Variants in OSBPL8 observed in about 807,000 individuals in gnomAD.
OSBPL8 encodes oxysterol-binding protein-related protein 8.
In OSBPL8, 59 loss-of-function variants were observed where a neutral mutation model predicts 125.5. The ratio of observed to expected loss-of-function variants is 0.47; its 90% CI spans 0.38 to 0.58. The LOEUF is 0.58. OSBPL8 is among the 20% of genes least tolerant of loss of function. The pLI is 0.00. For missense variants in OSBPL8, 758 were observed against 1,047.8 expected (o/e 0.72, Z 3.82); for synonymous variants, 330 against 338.9 (o/e 0.97, Z 0.29).
chr12:76,539,708 A>G (rs1016304994), intron 1 of OSBPL8, among the ~76,000 whole-genome samples: 1 of 152,244 alleles, frequency 6.6e-6, no homozygotes, highest in Non-Finnish European at 1.5e-5. Context: ...AAAGCCGAAG[A>G]GTGAAGAGCA....
intron 8 of OSBPL8, 47 bp from the exon 9 acceptor site, chr12:76,394,776 G>T: frequency 1.5e-6 from 2 of 1,348,118 alleles, no homozygotes; most frequent in South Asian, 2.5e-5. Context: ...TAATTATTAT[G>T]AGATCTCATC....
At chr12:76,461,973 C>A (rs1040268638) in intron 2 of OSBPL8, among the ~76,000 whole-genome samples, 1 of 152,148 alleles carries the variant, frequency 6.6e-6, no homozygotes, top group African/African-American at 2.4e-5. Flanking sequence ...ACAGAAACAA[C>A]TGTGGCAAAC....
chr12:76,391,767 A>C (rs1437509776), intron 10 of OSBPL8, among the ~76,000 whole-genome samples: 3 of 152,120 alleles, frequency 2.0e-5, no homozygotes, highest in Non-Finnish European at 2.9e-5. Flanking sequence ...TGGCTCTAAA[A>C]AATTTTTTAA....
Position 76,369,821 on chromosome 12 carries a change from G to A in OSBPL8, c.2056C>T (p.Leu686Phe), listed in dbSNP as rs148678277. ...ATGGCTCGAGTTACCCGTTGCCAGA[G>A]TCTAATACATGTGCGAAAATATTAA... ...EEQGDFESEK[L>F]WQRVTRAINA... The change falls in exon 20 of 24, where the codon CTC (leucine) becomes TTC (phenylalanine). Residue 686 changes from leucine to phenylalanine, a missense_variant and splice_region_variant. Physicochemically the swap from Leu to Phe is conservative, Grantham distance 22. Around this residue, in one of 3 missense-constraint regions of OSBPL8, gnomAD observed 572 missense variants for 762.0 expected, o/e 0.75. Transcript: ENST00000261183. The A allele has an allele frequency of 6.2e-7, 1 of 1,602,574 alleles. No homozygotes were observed. Among genetic ancestry groups the A allele is most frequent in the Non-Finnish European group, 8.5e-7 (1 of 1,175,316 alleles).
rs192130086 is a variant in OSBPL8, at chr12:76,495,417, T to C, written c.-67-7799A>G. ...AAGAGGTCTAGCAAATAAATTACTA[T>C]ACAAGAGCTATATAACACATTTGGA... On this transcript the variant is annotated intron_variant, in intron 1 of 23. Transcript: ENST00000261183. 1.2e-4 allele frequency among the ~76,000 whole-genome samples: 19 copies of C among 152,320 alleles called. No homozygotes were observed. The East Asian group carries it at 3.3e-3, about 26-fold the overall frequency.
chr12:76,492,532 C>T (rs535473202), intron 1 of OSBPL8, among the ~76,000 whole-genome samples: 23 of 152,240 alleles, frequency 1.5e-4, no homozygotes, highest in Admixed American at 7.8e-4. Flanking sequence ...GAAGCTTCAT[C>T]TGTATTTACA....
chr12:76,523,357 T>C (rs146186877), intron 1 of OSBPL8, among the ~76,000 whole-genome samples: 1,973 of 152,190 alleles, frequency 0.013, 22 homozygotes, highest in Middle Eastern at 0.038. Flanking sequence ...AAGGGTGGAG[T>C]TCACAGAGAA....
rs1953467811 is a variant in OSBPL8, at chr12:76,389,525, CAG to C, written c.1352+118_1352+119del. 4 of 766,240 alleles carry C rather than the reference CAG, an allele frequency of 5.2e-6. No homozygotes were observed. The East Asian group carries it at 1.1e-4, about 21-fold the overall frequency. 47.5% of individuals were successfully genotyped at this position (766,240 alleles called of 1,614,324 possible). A position where few individuals can be genotyped will look rare whatever the true frequency, so the allele number is the denominator to read the frequency against. ...GGTCAACCACAGAAGTGGTAGAGAA[CAG>C]AGAGTGATGTCTCATTAGAGCCTGA... On this transcript the variant is annotated intron_variant, in intron 12 of 23. Coordinates refer to ENST00000261183, the MANE Select transcript of OSBPL8 (RefSeq NM_020841.5).
chr12:76,487,628 G>A lies in OSBPL8; in HGVS notation c.-67-10C>T. On this transcript the variant is annotated splice_polypyrimidine_tract_variant and intron_variant, in intron 1 of 23. Coordinates refer to ENST00000261183, the MANE Select transcript of OSBPL8 (RefSeq NM_020841.5). The stretch of plus-strand genomic sequence containing the variant: ...TGTAAATCTGCAAATCCTAAAATAA[G>A]AAAATGATATTTATTAGGACTGGTA... The A allele has an allele frequency of 8.1e-7, 1 of 1,233,408 alleles. No homozygotes were observed. The highest frequency in any genetic ancestry group is 1.1e-6 in the Non-Finnish European group (1 of 888,996). 76.4% of individuals were successfully genotyped at this position (1,233,408 alleles called of 1,614,324 possible).
chr12:76,373,523 T>A, intron 17 of OSBPL8, 90 bp from the exon 18 acceptor site: 1 of 905,294 alleles, frequency 1.1e-6, no homozygotes, highest in Non-Finnish European at 1.7e-6. Context: ...CAAAAATTGC[T>A]TGTATAGTTA....
At chr12:76,403,188 T>C (rs1319964364) in intron 5 of OSBPL8, among the ~76,000 whole-genome samples, 1 of 152,206 alleles carries the variant, frequency 6.6e-6, no homozygotes, top group Non-Finnish European at 1.5e-5. Flanking sequence ...CTACTCCTCC[T>C]TCAATAGGAA....
intron 1 of OSBPL8, among the ~76,000 whole-genome samples, chr12:76,520,859 C>T (rs965247785): frequency 6.6e-6 from 1 of 152,076 alleles, no homozygotes; most frequent in African/African-American, 2.4e-5. Context: ...TTTAATTAGG[C>T]CTTTATAAAA....
At chr12:76,499,350 C>CTATCTATCTATCATCTATCT (rs71082312) in intron 1 of OSBPL8, among the ~76,000 whole-genome samples, 17 of 107,478 alleles carry the variant, frequency 1.6e-4, no homozygotes, top group African/African-American at 4.1e-4. Context: ...ATCTATCTAT[C>CTATCTATCTATCATCTATCT]ATCTATCTAT....
intron 2 of OSBPL8, among the ~76,000 whole-genome samples, chr12:76,481,756 A>G (rs1254096325): frequency 6.6e-6 from 1 of 152,236 alleles, no homozygotes; most frequent in Non-Finnish European, 1.5e-5. Flanking sequence ...TTATAACAGG[A>G]CAAAAACAGC....
At chr12:76,422,837 AGCCTG>A in intron 4 of OSBPL8, 1 of 235,774 alleles carries the variant, frequency 4.2e-6, no homozygotes, top group Middle Eastern at 1.7e-3. Context: ...AGATAGAGAA[AGCCTG>A]ACAGAAAAAG....
intron 3 of OSBPL8, among the ~76,000 whole-genome samples, chr12:76,456,121 T>G (rs1483058857): frequency 6.6e-6 from 1 of 152,178 alleles, no homozygotes; most frequent in Non-Finnish European, 1.5e-5. Flanking sequence ...TTTGAAGAAT[T>G]TTACAAGTTT....
Position 76,451,109 on chromosome 12 carries a change from A to G in OSBPL8, c.80-121T>C. On this transcript the variant is annotated intron_variant, in intron 3 of 23. Transcript: ENST00000261183. ...CTTGGTGGTTATATTCATTTTACCA[A>G]CTCAATACTTTAATAAATTCTCACA... The G allele has an allele frequency of 5.9e-6, 6 of 1,024,558 alleles. No individual in the cohort carries two copies. In the East Asian group the frequency reaches 1.6e-4, roughly 28 times the overall value. 63.5% of individuals were successfully genotyped at this position (1,024,558 alleles called of 1,614,324 possible).
rs1953477977 is a variant in OSBPL8 at position 76,389,718 on chromosome 12, T to C, written c.1279A>G (p.Thr427Ala). 2 of 1,607,990 alleles carry C rather than the reference T, an allele frequency of 1.2e-6. No individual in the cohort carries two copies. Among genetic ancestry groups the C allele is most frequent in the Non-Finnish European group, 1.7e-6 (2 of 1,176,258 alleles). Reference sequence around the variant, plus strand: ...AAAGAACGGGGTTCCAAAATAAATGTAGGCAGAACCACCTTGGATAGGTCC... The same window carrying C: ...AAAGAACGGGGTTCCAAAATAAATGCAGGCAGAACCACCTTGGATAGGTCC... ...GMDLSKVVLP[T>A]FILEPRSFLD... The change falls in exon 12 of 24, where the codon ACA (threonine) becomes GCA (alanine). Residue 427 changes from threonine to alanine, a missense_variant. By Grantham distance (58) the Thr-to-Ala change is moderately conservative. This residue lies in a region of OSBPL8 where 572 missense variants were observed against 762.0 expected (regional missense o/e 0.75). Coordinates refer to ENST00000261183, the MANE Select transcript of OSBPL8 (RefSeq NM_020841.5).
At chr12:76,369,083 G>C (rs1801839765) in intron 21 of OSBPL8, 131 bp downstream of exon 21, 3 of 1,205,106 alleles carry the variant, frequency 2.5e-6, no homozygotes, top group Non-Finnish European at 3.3e-6. Context: ...TTTGGGGTAA[G>C]AAGAGTTCAG....
Sources: allele counts gnomAD v4.1 joint callset (sites outside exome capture counted in the v4.1 genomes callset), GRCh38; gene constraint gnomAD v4.1.1; regional missense constraint gnomAD v4.1.1; transcripts MANE v1.5; gene names NCBI Gene and HGNC (gene_info 2026-07-23, HGNC 2026-07-21).